NTM: variants seen among roughly 807,000 people sequenced by gnomAD.
The protein encoded by NTM is neurotrimin, also known as IgLON family member 2.
In NTM, 13 loss-of-function variants were observed where a neutral mutation model predicts 42.1. The ratio of observed to expected loss-of-function variants is 0.31; its 90% CI spans 0.20 to 0.49. The LOEUF (loss-of-function observed/expected upper bound fraction) is 0.49. Ranked by LOEUF, NTM falls within the 20% of genes least tolerant of loss-of-function variation. The probability of loss-of-function intolerance (pLI) is 0.99; values close to 1 mark genes in which losing one functional copy is unlikely to be tolerated. For synonymous variants in NTM, 187 were observed against 179.2 expected (o/e 1.04, Z -0.35); for missense variants, 373 against 452.8 (o/e 0.82, Z 1.60).
At chr11:132,164,527 G>A (rs117624377) in intron 3 of NTM, among the ~76,000 whole-genome samples, 1 of 152,254 alleles carries the variant, frequency 6.6e-6, no homozygotes, top group Non-Finnish European at 1.5e-5. Context: ...AGGATGATGT[G>A]TGCTATGTAA....
intron 1 of NTM, among the ~76,000 whole-genome samples, chr11:131,820,576 C>T (rs913650035): frequency 6.6e-6 from 1 of 152,170 alleles, no homozygotes; most frequent in Admixed American, 6.5e-5. Context: ...ACCTGAGAGT[C>T]TTTTCCTGAT....
At chr11:132,104,576 A>ACC (rs139338697) in intron 2 of NTM, among the ~76,000 whole-genome samples, 5,856 of 139,510 alleles carry the variant, frequency 0.042, 184 homozygotes, top group East Asian at 0.082. Context: ...ACATAGTGGG[A>ACC]CCCCCCCCCA....
At chr11:131,421,054 C>T (rs1947464094) in intron 1 of NTM, among the ~76,000 whole-genome samples, 1 of 152,150 alleles carries the variant, frequency 6.6e-6, no homozygotes, top group African/African-American at 2.4e-5. Context: ...GTCCAGCACG[C>T]AGGCCCCTGC....
chr11:131,444,203 CAAAAAAAAAAAAAAA>C (rs71475757), intron 1 of NTM, among the ~76,000 whole-genome samples: 1 of 49,504 alleles, frequency 2.0e-5, no homozygotes, highest in Non-Finnish European at 3.6e-5. Context: ...AGGTTAGAAC[CAAAAAAAAAAAAAAA>C]AAAAAAAAAA....
chr11:132,081,863 A>T (rs555715556), intron 2 of NTM, among the ~76,000 whole-genome samples: 1 of 151,214 alleles, frequency 6.6e-6, no homozygotes, highest in Non-Finnish European at 1.5e-5. Flanking sequence ...TAGGAGTTCA[A>T]ATCTAGCCTG....
intron 2 of NTM, among the ~76,000 whole-genome samples, chr11:132,049,547 G>A (rs2135900554): frequency 6.6e-6 from 1 of 152,298 alleles, no homozygotes; most frequent in East Asian, 1.9e-4. Context: ...TCTCTTGCAG[G>A]GGTTGTCAGT....
intron 2 of NTM, among the ~76,000 whole-genome samples, chr11:131,962,880 T>C (rs1305783749): frequency 6.6e-6 from 1 of 152,156 alleles, no homozygotes; most frequent in East Asian, 1.9e-4. Flanking sequence ...GTTTTATTCC[T>C]ACTTCTCACT....
chr11:131,640,604 C>A (rs1168906700), intron 1 of NTM, among the ~76,000 whole-genome samples: 2 of 152,094 alleles, frequency 1.3e-5, no homozygotes, highest in Non-Finnish European at 2.9e-5. Flanking sequence ...GTCCAGAGGC[C>A]ACACTTGCAG....
At chr11:131,978,733 A>G (rs1258891452) in intron 2 of NTM, among the ~76,000 whole-genome samples, 1 of 152,218 alleles carries the variant, frequency 6.6e-6, no homozygotes, top group Non-Finnish European at 1.5e-5. Context: ...TTAGTTTAAT[A>G]AGTTTGTTAA....
intron 1 of NTM, among the ~76,000 whole-genome samples, chr11:131,413,879 G>A (rs1946680450): frequency 6.6e-6 from 1 of 151,728 alleles, no homozygotes; most frequent in East Asian, 1.9e-4. Context: ...GAGGGCAGGG[G>A]AGACGAGGAG....
intron 2 of NTM, among the ~76,000 whole-genome samples, chr11:132,072,186 C>T (rs2057767760): frequency 1.3e-5 from 2 of 152,256 alleles, no homozygotes; most frequent in South Asian, 4.1e-4. Context: ...GGTTAATGAA[C>T]ACAGATGGCT....
intron 1 of NTM, among the ~76,000 whole-genome samples, chr11:131,828,395 A>G (rs1319793641): frequency 1.3e-5 from 2 of 151,974 alleles, no homozygotes; most frequent in South Asian, 2.1e-4. Flanking sequence ...ACCATCACTC[A>G]TCATCAGCAT....
chr11:131,731,154 C>T (rs1254479099), intron 1 of NTM, among the ~76,000 whole-genome samples: 1 of 152,166 alleles, frequency 6.6e-6, no homozygotes, highest in African/African-American at 2.4e-5. Flanking sequence ...GCACCTCCTC[C>T]TCCTCCTCCC....
intron 1 of NTM, among the ~76,000 whole-genome samples, chr11:131,856,253 G>A (rs2046086540): frequency 6.6e-6 from 1 of 152,052 alleles, no homozygotes; most frequent in South Asian, 2.1e-4. Context: ...CTAAGAGTAT[G>A]GAAATGTCCT....
At chr11:132,070,062 A>G (rs1180914872) in intron 2 of NTM, among the ~76,000 whole-genome samples, 1 of 147,718 alleles carries the variant, frequency 6.8e-6, no homozygotes, top group East Asian at 2.0e-4. Context: ...AACACGTCAC[A>G]CAGCCAAGTT....
intron 4 of NTM, among the ~76,000 whole-genome samples, chr11:132,251,675 A>G (rs958220818): frequency 6.6e-6 from 1 of 152,218 alleles, no homozygotes; most frequent in Non-Finnish European, 1.5e-5. Flanking sequence ...TGGCGGGACC[A>G]ATAGCCTGAA....
intron 2 of NTM, among the ~76,000 whole-genome samples, chr11:132,035,203 C>T (rs896040385): frequency 3.3e-5 from 5 of 152,178 alleles, no homozygotes; most frequent in African/African-American, 1.2e-4. Flanking sequence ...ATGATTCTGT[C>T]ATACCAGAGT....
At chr11:132,332,994 G>A (rs1305734385) in intron 8 of NTM, among the ~76,000 whole-genome samples, 1 of 152,164 alleles carries the variant, frequency 6.6e-6, no homozygotes, top group Non-Finnish European at 1.5e-5. Context: ...ACAGGAAATG[G>A]GTTTCAAAGA....
chr11:131,401,844 A>ATATATATATATG (rs1565465665), intron 1 of NTM, among the ~76,000 whole-genome samples: 3 of 101,084 alleles, frequency 3.0e-5, no homozygotes, highest in African/African-American at 1.2e-4. Context: ...ATATATATAT[A>ATATATATATATG]TATATATATA....
Sources: gnomAD v4.1 joint callset for allele counts (sites outside exome capture counted in the v4.1 genomes callset) on GRCh38, gnomAD v4.1.1 for gene constraint, MANE v1.5 for transcripts, NCBI Gene and HGNC (gene_info 2026-07-23, HGNC 2026-07-21) for gene names.